The following RBPMS variants were observed in gnomAD, a reference collection of about 807,000 sequenced individuals.
RBPMS encodes RNA-binding protein with multiple splicing.
RBPMS carries 7 observed loss-of-function variants against 26.8 expected under a neutral mutation model. The observed-to-expected ratio is 0.26, with a 90% confidence interval of 0.15 to 0.49. The LOEUF (loss-of-function observed/expected upper bound fraction) is 0.49, where lower values mean the gene tolerates loss of function less well. Among genes scored for constraint, RBPMS ranks in the 20% least tolerant of loss-of-function variants. RBPMS has a pLI of 0.98. For missense variants in RBPMS, 186 were observed against 250.0 expected (o/e 0.74, Z 1.73); for synonymous variants, 96 against 93.3 (o/e 1.03, Z -0.17).
At chr8:30,525,488 T>G (rs191741204) in intron 5 of RBPMS, among the ~76,000 whole-genome samples, 6 of 152,370 alleles carry the variant, frequency 3.9e-5, no homozygotes, top group Admixed American at 2.0e-4. Flanking sequence ...CAAACACATG[T>G]AAATGATATC....
intron 4 of RBPMS, among the ~76,000 whole-genome samples, chr8:30,501,838 A>G (rs1252574179): frequency 6.6e-6 from 1 of 152,186 alleles, no homozygotes; most frequent in Non-Finnish European, 1.5e-5. Context: ...AGTAGGCTTT[A>G]ATTAAAAACA....
At chr8:30,430,160 C>T (rs1341267086) in intron 1 of RBPMS, among the ~76,000 whole-genome samples, 1 of 152,124 alleles carries the variant, frequency 6.6e-6, no homozygotes, top group Non-Finnish European at 1.5e-5. Context: ...CCTGTAGTCC[C>T]AGCTACTCGT....
intron 2 of RBPMS, among the ~76,000 whole-genome samples, 152 bp from the exon 3 acceptor site, chr8:30,477,639 GTGTGCACA>G (rs1315342276): frequency 1.3e-5 from 2 of 152,120 alleles, no homozygotes; most frequent in African/African-American, 4.8e-5. Context: ...GTGTGTGTGT[GTGTGCACA>G]TGCACATGCA....
chr8:30,448,653 T>C (rs1814161574), intron 1 of RBPMS, among the ~76,000 whole-genome samples: 1 of 152,218 alleles, frequency 6.6e-6, no homozygotes, highest in African/African-American at 2.4e-5. Flanking sequence ...TTGACAGCTC[T>C]TGGACCCAGG....
Position 30,567,451 on chromosome 8 carries a change from C to CT in RBPMS, c.*111+1092dup, listed in dbSNP as rs940839053. 2.4e-4 allele frequency among the ~76,000 whole-genome samples: 37 copies of CT among 152,322 alleles called. 3 individuals carry two copies. Among genetic ancestry groups the CT allele is most frequent in the Admixed American group, 2.2e-3 (34 of 15,308 alleles). On this transcript the variant is annotated intron_variant, in intron 8 of 8. Coordinates refer to ENST00000397323, the MANE Select transcript of RBPMS (RefSeq NM_001008710.3). ...GCTTTTTTCACATCACATAGGGCAG[C>CT]TGGGTCTATCCCACTAGGCCCACGG...
intron 1 of RBPMS, among the ~76,000 whole-genome samples, chr8:30,428,485 G>T (rs903781209): frequency 6.6e-6 from 1 of 152,076 alleles, no homozygotes; most frequent in Non-Finnish European, 1.5e-5. Flanking sequence ...GTTAACCATT[G>T]TGATATTTAA....
chr8:30,460,945 G>A (rs1349396927), intron 1 of RBPMS, among the ~76,000 whole-genome samples: 2 of 152,032 alleles, frequency 1.3e-5, no homozygotes, highest in African/African-American at 4.8e-5. Context: ...CAGCCACTTG[G>A]GAAGCTGAGG....
At chr8:30,452,597 T>C (rs1426381321) in intron 1 of RBPMS, among the ~76,000 whole-genome samples, 3 of 152,196 alleles carry the variant, frequency 2.0e-5, no homozygotes, top group African/African-American at 7.2e-5. Context: ...TCATTTCTTT[T>C]GTGTGGTTCA....
At chr8:30,565,254 G>A (rs1167017053) in intron 7 of RBPMS, 1 of 152,192 alleles carries the variant, frequency 6.6e-6, no homozygotes, top group African/African-American at 2.4e-5. Context: ...GTAGTCTTCA[G>A]GCTCACTCTT....
chr8:30,410,718 C>CTT (rs33979972), intron 1 of RBPMS, among the ~76,000 whole-genome samples: 4 of 131,922 alleles, frequency 3.0e-5, no homozygotes, highest in Admixed American at 7.6e-5. Context: ...TTCTTTTTTC[C>CTT]TTTTTTTTTT....
chr8:30,534,090 C>T (rs759734478), intron 5 of RBPMS, among the ~76,000 whole-genome samples: 10 of 151,338 alleles, frequency 6.6e-5, no homozygotes, highest in Admixed American at 1.3e-4. Context: ...GCCGAAATTG[C>T]GCCACTGACT....
intron 5 of RBPMS, among the ~76,000 whole-genome samples, chr8:30,530,985 T>C (rs1016255050): frequency 6.6e-6 from 1 of 152,000 alleles, no homozygotes; most frequent in Non-Finnish European, 1.5e-5. Context: ...GCTTGTATTA[T>C]ATATATATAT....
intron 5 of RBPMS, among the ~76,000 whole-genome samples, chr8:30,536,757 T>A (rs545171699): frequency 6.6e-6 from 1 of 152,250 alleles, no homozygotes; most frequent in Non-Finnish European, 1.5e-5. Context: ...TTTTCTACTC[T>A]TTCTCCTTTG....
intron 1 of RBPMS, among the ~76,000 whole-genome samples, chr8:30,463,287 A>T (rs569091552): frequency 1.1e-4 from 17 of 152,326 alleles, no homozygotes; most frequent in African/African-American, 3.8e-4. Context: ...GTTATTTAGG[A>T]GCAGCTTGGC....
At chr8:30,469,545 C>G (rs1309149257) in intron 1 of RBPMS, among the ~76,000 whole-genome samples, 2 of 152,206 alleles carry the variant, frequency 1.3e-5, no homozygotes, top group African/African-American at 4.8e-5. Context: ...ATCTACAAAT[C>G]TTTTTGAGTC....
At chr8:30,466,369 G>A (rs190899505) in intron 1 of RBPMS, among the ~76,000 whole-genome samples, 4 of 151,986 alleles carry the variant, frequency 2.6e-5, no homozygotes, top group Non-Finnish European at 5.9e-5. Flanking sequence ...GCAAGACCTC[G>A]TCCCTACAAA....
chr8:30,559,060 C>A, intron 7 of RBPMS, 104 bp downstream of exon 7: 2 of 871,610 alleles, frequency 2.3e-6, no homozygotes, highest in South Asian at 1.4e-5. Flanking sequence ...GCACCCACAC[C>A]TTATGCACCT....
rs1417900179 is a variant in RBPMS at position 30,511,843 on chromosome 8, G to A, written c.397+7407G>A. Among the ~76,000 whole-genome samples, 11 of 152,088 alleles carry A rather than the reference G, an allele frequency of 7.2e-5. No individual in the cohort carries two copies. The East Asian group carries it at 1.4e-3, about 19-fold the overall frequency. On this transcript the variant is annotated intron_variant, in intron 5 of 8. Coordinates refer to ENST00000397323, the MANE Select transcript of RBPMS (RefSeq NM_001008710.3). ...TGTCTCAAAAAAAAATCAAGCTTCA[G>A]TATAATTCAGTAGCATCAAATTTGA...
intron 5 of RBPMS, among the ~76,000 whole-genome samples, chr8:30,533,261 G>T (rs1824424932): frequency 6.6e-6 from 1 of 152,184 alleles, no homozygotes; most frequent in African/African-American, 2.4e-5. Context: ...TTATCCTTCA[G>T]TGGCAACGTG....
Sources: gnomAD v4.1 joint callset for allele counts (sites outside exome capture counted in the v4.1 genomes callset) on GRCh38, gnomAD v4.1.1 for gene constraint, MANE v1.5 for transcripts, NCBI Gene and HGNC (gene_info 2026-07-23, HGNC 2026-07-21) for gene names.